CEMIP: variants seen among roughly 807,000 people sequenced by gnomAD.
The protein encoded by CEMIP is cell migration inducing hyaluronidase 1.
Under a neutral mutation model 156.9 loss-of-function variants are expected in CEMIP, and 105 were observed. The observed-to-expected ratio is 0.67, with a 90% CI of 0.57 to 0.79. The LOEUF (loss-of-function observed/expected upper bound fraction) is 0.79, where lower values mean the gene tolerates loss of function less well. Ranked by LOEUF, CEMIP falls within the 30% of genes least tolerant of loss-of-function variation. CEMIP has a pLI of 0.00. For missense variants in CEMIP, 1,457 were observed against 1,769.4 expected (o/e 0.82, Z 3.17); for synonymous variants, 676 against 668.4 (o/e 1.01, Z -0.17).
chr15:80,884,310 G>A lies in CEMIP; in HGVS notation c.753G>A (p.Ala251=), dbSNP rs761725082. 11 of 1,614,094 alleles carry A rather than the reference G, an allele frequency of 6.8e-6. No individual in the cohort carries two copies. Among genetic ancestry groups the A allele is most frequent in the African/African-American group, 2.7e-5 (2 of 74,930 alleles). ...ATCTGGATGACATGGCCAGGAAGGCGATGACCAAATTGGGAAGCAAACACT... is the reference window on the plus strand; with the variant it reads ...ATCTGGATGACATGGCCAGGAAGGCAATGACCAAATTGGGAAGCAAACACT... ...SRNLDDMARK[A]MTKLGSKHFL... Residue 251 remains alanine (A), a synonymous_variant, in exon 7 of 30, where the codon GCG becomes GCA. Coordinates refer to ENST00000394685, the MANE Select transcript of CEMIP (RefSeq NM_001293298.2).
intron 1 of CEMIP, among the ~76,000 whole-genome samples, chr15:80,844,878 G>T (rs1362072537): frequency 6.6e-6 from 1 of 152,170 alleles, no homozygotes; most frequent in African/African-American, 2.4e-5. Context: ...CAGCCCCAGG[G>T]TGCCCATGGG....
Position 80,888,794 on chromosome 15 carries a change from A to G in CEMIP, c.962A>G (p.Gln321Arg). 6.2e-7 allele frequency: 1 copy of G among 1,613,700 alleles called. No homozygotes were observed. The highest frequency in any genetic ancestry group is 8.5e-7 in the Non-Finnish European group (1 of 1,179,610). The change falls in exon 9 of 30, where the codon CAA becomes CGA. Residue 321 changes from glutamine (Q) to arginine (R), a missense_variant and splice_region_variant. By Grantham distance (43) the Gln-to-Arg change is conservative. Coordinates refer to ENST00000394685, the MANE Select transcript of CEMIP (RefSeq NM_001293298.2). The stretch of plus-strand genomic sequence containing the variant: ...GTTTCTTTGTCCAGTGAGTGGGTTC[A>G]AGGTGAGGAGTTTCAGACAATTTGG... Reference protein sequence around the residue: ...FNVSLSSEWVQDVEWTEWFDH... With the variant: ...FNVSLSSEWVRDVEWTEWFDH...
At position 80,932,075 on chromosome 15, in the gene CEMIP, C is replaced by T; in HGVS notation, c.2793+36C>T. On this transcript the variant is annotated intron_variant, in intron 22 of 29. Coordinates refer to ENST00000394685, the MANE Select transcript of CEMIP (RefSeq NM_001293298.2). This position sits in a 1 kb window ranked among gnomAD's most constrained non-coding sequence, Gnocchi z 4.5. ...CGCCAGGGCAGACTCCCGGCAAACC[C>T]AGACTTTGGATGGTGATTCACAAGT... is the stretch of plus-strand genomic sequence containing the variant. 6.2e-7 allele frequency: 1 copy of T among 1,607,210 alleles called. No homozygotes were observed. Among genetic ancestry groups the T allele is most frequent in the Non-Finnish European group, 8.5e-7 (1 of 1,179,014 alleles).
In CEMIP at chr15:80,933,232, G is replaced by A. The variant is rs1388688002; in HGVS notation, c.2794-13G>A. ...CCTTCTAGCCCTGCCTAACTTTCCT[G>A]GGCTCTGTTTAGATTACTTCCAGAG... On this transcript the variant is annotated splice_polypyrimidine_tract_variant and intron_variant, in intron 22 of 29. Transcript: ENST00000394685. 2.5e-6 allele frequency: 4 copies of A among 1,611,772 alleles called. No homozygotes were observed. Among genetic ancestry groups the A allele is most frequent in the Non-Finnish European group, 2.5e-6 (3 of 1,177,852 alleles).
At chr15:80,885,189 G>A (rs762546744) in intron 7 of CEMIP, among the ~76,000 whole-genome samples, 5 of 152,268 alleles carry the variant, frequency 3.3e-5, no homozygotes, top group Non-Finnish European at 7.3e-5. Flanking sequence ...GAGGTTATCT[G>A]TCCCATGGCT....
At chr15:80,788,358 C>T (rs964529576) in intron 1 of CEMIP, among the ~76,000 whole-genome samples, 6 of 151,370 alleles carry the variant, frequency 4.0e-5, no homozygotes, top group Non-Finnish European at 8.8e-5. Flanking sequence ...GTAATCCCAG[C>T]TACTCCGGAG....
intron 1 of CEMIP, among the ~76,000 whole-genome samples, chr15:80,788,029 G>A (rs1002353801): frequency 1.3e-5 from 2 of 152,084 alleles, no homozygotes; most frequent in Non-Finnish European, 1.5e-5. Flanking sequence ...CTAAAGGCTC[G>A]CCTCAGGAGT....
intron 1 of CEMIP, among the ~76,000 whole-genome samples, chr15:80,793,792 A>T (rs908650961): frequency 2.0e-5 from 3 of 152,122 alleles, no homozygotes; most frequent in African/African-American, 7.2e-5. Flanking sequence ...TTCACAGAGG[A>T]CTTTCTGAGA....
chr15:80,812,623 A>AC (rs1352430705), intron 1 of CEMIP, among the ~76,000 whole-genome samples: 7 of 152,158 alleles, frequency 4.6e-5, no homozygotes, highest in Non-Finnish European at 8.8e-5. Flanking sequence ...ATTCCCAGGG[A>AC]CATTTGATAT....
chr15:80,836,256 T>G (rs760334461), intron 1 of CEMIP, among the ~76,000 whole-genome samples: 1 of 152,248 alleles, frequency 6.6e-6, no homozygotes, highest in Non-Finnish European at 1.5e-5. Context: ...CCTTCAGTTC[T>G]GCTTCTCTAA....
chr15:80,940,988 T>G (rs1321159697), intron 25 of CEMIP, among the ~76,000 whole-genome samples: 1 of 152,262 alleles, frequency 6.6e-6, no homozygotes, highest in Non-Finnish European at 1.5e-5. Context: ...GGACAAGACC[T>G]GCTGGGTCCC....
chr15:80,881,159 C>A, intron 6 of CEMIP, 23 bp downstream of exon 6: 1 of 1,587,606 alleles, frequency 6.3e-7, no homozygotes, highest in South Asian at 1.1e-5. Context: ...TTCACTTAAA[C>A]GTATACTCAT....
chr15:80,929,116 A>G lies in CEMIP; in HGVS notation c.2554A>G (p.Asn852Asp). Residue 852 changes from asparagine (N) to aspartate (D), a missense_variant, in exon 21 of 30, where the codon AAT becomes GAT. Around this residue, in one of 5 missense-constraint regions of CEMIP, gnomAD observed 798 missense variants for 980.1 expected, o/e 0.81. Transcript: ENST00000394685. ...CAACGTGGGGACGGAAATGATGGAC[A>G]ATAGGATCTGGGGCCCTGGCGGCTT... ...SGNVGTEMMD[N>D]RIWGPGGLDH... is the part of the protein sequence containing the mutation. 1.9e-6 allele frequency: 3 copies of G among 1,614,206 alleles called. No homozygotes were observed. Among genetic ancestry groups the G allele is most frequent in the Non-Finnish European group, 2.5e-6 (3 of 1,180,038 alleles).
At chr15:80,921,624 T>C (rs1488049449) in intron 16 of CEMIP, among the ~76,000 whole-genome samples, 3 of 152,190 alleles carry the variant, frequency 2.0e-5, no homozygotes, top group Admixed American at 2.0e-4. Context: ...CTGCTGGCCT[T>C]CCATGGGACC....
At chr15:80,946,069 C>T (rs1901540782) in intron 28 of CEMIP, among the ~76,000 whole-genome samples, 2 of 152,176 alleles carry the variant, frequency 1.3e-5, no homozygotes, top group Non-Finnish European at 2.9e-5. Context: ...AGGCAATAGC[C>T]CTGTGTTGCC....
At chr15:80,803,914 C>T (rs925413991) in intron 1 of CEMIP, among the ~76,000 whole-genome samples, 1 of 152,098 alleles carries the variant, frequency 6.6e-6, no homozygotes, top group African/African-American at 2.4e-5. Flanking sequence ...AAGACAAACT[C>T]GAGACTGGAT....
chr15:80,810,643 C>G (rs1896646504), intron 1 of CEMIP, among the ~76,000 whole-genome samples: 1 of 152,234 alleles, frequency 6.6e-6, no homozygotes, highest in Admixed American at 6.5e-5. Context: ...GCGTGAGCCA[C>G]CATGCCCGGC....
chr15:80,882,022 GGGGTA>G (rs1898678201), intron 6 of CEMIP, among the ~76,000 whole-genome samples: 1 of 152,162 alleles, frequency 6.6e-6, no homozygotes, highest in South Asian at 2.1e-4. Flanking sequence ...GGACAGAGGT[GGGGTA>G]GACAAACAGA....
At position 80,932,851 on chromosome 15, in the gene CEMIP, AAAGT is replaced by A. The variant is rs1223199426; in HGVS notation, c.2794-393_2794-390del. Among the ~76,000 whole-genome samples the A allele has an allele frequency of 1.3e-5, 2 of 152,068 alleles. No homozygotes were observed. Among genetic ancestry groups the A allele is most frequent in the African/African-American group, 4.8e-5 (2 of 41,380 alleles). The stretch of plus-strand genomic sequence containing the variant: ...CCGTGTATGTGTGTGTGTATGTGTA[AAAGT>A]GTGTGTACCCTTTCTCATACACACA... On this transcript the variant is annotated intron_variant, in intron 22 of 29. Coordinates refer to ENST00000394685, the MANE Select transcript of CEMIP (RefSeq NM_001293298.2). The surrounding 1 kb of genome is among the most constrained non-coding windows in gnomAD (Gnocchi z 4.5).
Sources: gnomAD v4.1 joint callset for allele counts (sites outside exome capture counted in the v4.1 genomes callset) on GRCh38, gnomAD v4.1.1 for gene constraint, gnomAD v4.1.1 regional missense constraint, Gnocchi (gnomAD v3.1) non-coding constraint, MANE v1.5 for transcripts, NCBI Gene and HGNC (gene_info 2026-07-23, HGNC 2026-07-21) for gene names.